Variants in DCHS2 observed in about 807,000 individuals in gnomAD.
DCHS2 encodes dachsous cadherin-related 2, also known as protocadherin-23.
In DCHS2, 142 loss-of-function variants were observed where a neutral mutation model predicts 182.4. The observed-to-expected ratio is 0.78, with a 90% CI of 0.68 to 0.89. The LOEUF (loss-of-function observed/expected upper bound fraction) is 0.89, where lower values mean the gene tolerates loss of function less well. DCHS2 is among the 40% of genes least tolerant of loss of function. The probability of loss-of-function intolerance (pLI) is 0.00; values close to 1 mark genes in which losing one functional copy is unlikely to be tolerated. For synonymous variants in DCHS2, 1,740 were observed against 1,663.3 expected, an observed-to-expected ratio of 1.05 and a Z score of -1.12; for missense variants, 4,319 against 4,198.6, an observed-to-expected ratio of 1.03 and a Z score of -0.79.
At position 154,233,041 on chromosome 4, in the gene DCHS2, T is replaced by C. The variant is rs1047422794; in HGVS notation, c.*1495A>G. The C allele has an allele frequency of 1.3e-5, 2 of 152,178 alleles. No individual in the cohort carries two copies. The highest frequency in any genetic ancestry group is 2.9e-5 in the Non-Finnish European group (2 of 68,018). The allele number at this position is 152,178 out of a possible 1,614,324, so 9.4% of individuals were successfully genotyped here. A position where few individuals can be genotyped will look rare whatever the true frequency, so the allele number is the denominator to read the frequency against. ...AATATTTTTTAGTAAAGAGAAATTA[T>C]GTCACAAAATTTCACAGATGAGGCC... On this transcript the variant is annotated 3_prime_UTR_variant, in exon 20 of 20. Coordinates refer to ENST00000357232, the MANE Select transcript of DCHS2 (RefSeq NM_001358235.2).
At chr4:154,299,368 C>A (rs1479476409) in intron 12 of DCHS2, among the ~76,000 whole-genome samples, 1 of 152,062 alleles carries the variant, frequency 6.6e-6, no homozygotes, top group Non-Finnish European at 1.5e-5. Flanking sequence ...TATTATATTC[C>A]ATCGTATCAA....
At chr4:154,391,435 A>C in intron 1 of DCHS2, 1 of 1,250,440 alleles carries the variant, frequency 8.0e-7, no homozygotes. Context: ...TTCAAAACTA[A>C]AAATAGGCAG....
chr4:154,478,896 G>A (rs73856403), intron 1 of DCHS2, among the ~76,000 whole-genome samples: 22 of 152,064 alleles, frequency 1.4e-4, no homozygotes, highest in African/African-American at 4.8e-4. Context: ...AAGAATCTAC[G>A]GTCTCCACAA....
intron 13 of DCHS2, among the ~76,000 whole-genome samples, chr4:154,282,798 A>G (rs1205216263): frequency 1.3e-5 from 2 of 152,180 alleles, no homozygotes; most frequent in South Asian, 2.1e-4. Flanking sequence ...CAATGAATGA[A>G]TGGATAGCCA....
rs961298297 is a variant in DCHS2, at chr4:154,304,614, G to A, written c.5605+55C>T. On this transcript the variant is annotated intron_variant, in intron 12 of 19. Coordinates refer to ENST00000357232, the MANE Select transcript of DCHS2 (RefSeq NM_001358235.2). The stretch of plus-strand genomic sequence containing the variant: ...ACTGCACTCCAGCCTGGGTGACAGA[G>A]TGAGACTCTGTCTTAAAAAAACAAA... 9 of 1,529,640 alleles carry A rather than the reference G, an allele frequency of 5.9e-6. No individual in the cohort carries two copies. In the African/African-American group the frequency reaches 1.1e-4, roughly 19 times the overall value. 94.8% of individuals were successfully genotyped at this position (1,529,640 alleles called of 1,614,324 possible).
intron 12 of DCHS2, among the ~76,000 whole-genome samples, chr4:154,302,373 G>C (rs1735222426): frequency 1.3e-5 from 2 of 152,196 alleles, no homozygotes; most frequent in African/African-American, 4.8e-5. Flanking sequence ...GTTTGTGCAG[G>C]GTGGTTCTCA....
chr4:154,323,295 A>G, intron 7 of DCHS2: 1 of 1,550,000 alleles, frequency 6.5e-7, no homozygotes, highest in Non-Finnish European at 8.7e-7. Flanking sequence ...ACTGCTTCCC[A>G]AATGCTGTTT....
At chr4:154,245,415 T>G (rs1220060551) in intron 16 of DCHS2, among the ~76,000 whole-genome samples, 5 of 152,198 alleles carry the variant, frequency 3.3e-5, no homozygotes, top group Admixed American at 1.3e-4. Context: ...TTTACCATGT[T>G]AAACTTTAAA....
At chr4:154,430,216 T>A in intron 1 of DCHS2, among the ~76,000 whole-genome samples, 1 of 152,198 alleles carries the variant, frequency 6.6e-6, no homozygotes, top group East Asian at 1.9e-4. Context: ...CCTGTTGTCA[T>A]GTCAGTTCAT....
intron 3 of DCHS2, among the ~76,000 whole-genome samples, chr4:154,353,529 A>T (rs1729715737): frequency 6.6e-6 from 1 of 152,198 alleles, no homozygotes; most frequent in Non-Finnish European, 1.5e-5. Context: ...AGCCAACTGG[A>T]AGTCATCTCC....
chr4:154,433,700 C>T (rs543920361), intron 1 of DCHS2, among the ~76,000 whole-genome samples: 103 of 152,142 alleles, frequency 6.8e-4, no homozygotes, highest in African/African-American at 2.5e-3. Context: ...GGCCAGTACC[C>T]GTTGTTTTAA....
intron 1 of DCHS2, among the ~76,000 whole-genome samples, chr4:154,386,616 C>T (rs911195254): frequency 6.6e-6 from 1 of 152,102 alleles, no homozygotes; most frequent in Admixed American, 6.6e-5. Flanking sequence ...AGCTTCGGGA[C>T]AACCATTACA....
intron 1 of DCHS2, among the ~76,000 whole-genome samples, chr4:154,399,887 C>T (rs956605547): frequency 1.3e-5 from 2 of 152,178 alleles, no homozygotes; most frequent in Non-Finnish European, 2.9e-5. Flanking sequence ...TGCTACGCTG[C>T]TGTGAATGAG....
chr4:154,406,607 T>C (rs1244146695), intron 1 of DCHS2, among the ~76,000 whole-genome samples: 1 of 152,252 alleles, frequency 6.6e-6, no homozygotes, highest in Non-Finnish European at 1.5e-5. Flanking sequence ...AGAATGTTAA[T>C]GACTAAATTC....
At position 154,249,488 on chromosome 4, in the gene DCHS2, G is replaced by A. The variant is rs115930166; in HGVS notation, c.6941+6031C>T. On this transcript the variant is annotated intron_variant, in intron 16 of 19. Coordinates refer to ENST00000357232, the MANE Select transcript of DCHS2 (RefSeq NM_001358235.2). ...CATTGTTGGGAATGTAAAATAGTTC[G>A]GCCACTGTGGAAAGCAGTTTGGAGA... is the stretch of plus-strand genomic sequence containing the variant. Among the ~76,000 whole-genome samples, 765 of 152,162 alleles carry A rather than the reference G, an allele frequency of 5.0e-3. 3 individuals are homozygous for A. Among genetic ancestry groups the A allele is most frequent in the Non-Finnish European group, 8.7e-3 (589 of 67,998 alleles).
At chr4:154,315,684 C>T (rs934731700) in intron 10 of DCHS2, 64 bp downstream of exon 10, 78 of 1,565,228 alleles carry the variant, frequency 5.0e-5, no homozygotes, top group African/African-American at 4.7e-4. Flanking sequence ...TTATAAATTA[C>T]GTCAATTATA....
In DCHS2 at chr4:154,377,355, T is replaced by C; in HGVS notation, c.2142A>G (p.Ala714=). 1 of 1,613,694 alleles carries C rather than the reference T, an allele frequency of 6.2e-7. No individual in the cohort carries two copies. The highest frequency in any genetic ancestry group is 8.5e-7 in the Non-Finnish European group (1 of 1,179,728). The part of the protein sequence containing the change: ...DGFLSYEAPQ[A]FRIDPHDGQI... ...GCCCATCATGAGGGTCGATCCGGAA[T>C]GCCTGAGGTGCTTCATAGCTCAGGA... The change falls in exon 2 of 20, where the codon GCA becomes GCG. Residue 714 remains alanine, a synonymous_variant. Coordinates refer to ENST00000357232, the MANE Select transcript of DCHS2 (RefSeq NM_001358235.2).
At chr4:154,370,627 T>C (rs1192209676) in intron 2 of DCHS2, among the ~76,000 whole-genome samples, 3 of 152,162 alleles carry the variant, frequency 2.0e-5, no homozygotes, top group Non-Finnish European at 4.4e-5. Context: ...GATTTGCTTT[T>C]GATGCAAGCA....
intron 3 of DCHS2, among the ~76,000 whole-genome samples, chr4:154,343,857 G>A (rs1444617631): frequency 6.6e-6 from 1 of 152,196 alleles, no homozygotes; most frequent in Non-Finnish European, 1.5e-5. Flanking sequence ...AACTGTGCAA[G>A]AGGCCTAGCT....
Sources: allele counts gnomAD v4.1 joint callset (sites outside exome capture counted in the v4.1 genomes callset), GRCh38; gene constraint gnomAD v4.1.1; transcripts MANE v1.5; gene names NCBI Gene and HGNC (gene_info 2026-07-23, HGNC 2026-07-21).